The following ATP1A1 variants were observed in gnomAD, a reference collection of about 807,000 sequenced individuals.
The protein encoded by ATP1A1 is sodium/potassium-transporting ATPase subunit alpha-1.
A neutral mutation model predicts 114.8 loss-of-function variants in ATP1A1; 14 were observed. That is an observed-to-expected ratio of 0.12 (90% CI 0.08 to 0.19). The LOEUF is 0.19. Among genes scored for constraint, ATP1A1 ranks in the 10% least tolerant of loss-of-function variants. The pLI is 1.00. For synonymous variants in ATP1A1, 471 were observed against 466.3 expected (o/e 1.01, Z -0.13); for missense variants, 524 against 1,290.7 (o/e 0.41, Z 9.10).
At chr1:116,373,976 G>C (rs1651177122) in intron 1 of ATP1A1, 1 of 1,379,870 alleles carries the variant, frequency 7.2e-7, no homozygotes, top group Non-Finnish European at 9.3e-7. Context: ...TCCGTGCCCT[G>C]AGGAAAGGCG....
At chr1:116,374,659 G>T (rs1322109811) in intron 1 of ATP1A1, among the ~76,000 whole-genome samples, 1 of 152,218 alleles carries the variant, frequency 6.6e-6, no homozygotes, top group Non-Finnish European at 1.5e-5. Flanking sequence ...AAGTCTAGTT[G>T]AGAAAAATTT....
Position 116,404,497 on chromosome 1 carries a change from C to T in ATP1A1, c.*53C>T, listed in dbSNP as rs1046271895. The stretch of plus-strand genomic sequence containing the variant: ...CAGGCCACACACTCTGCATCCGACA[C>T]CCACCCCCTCTTTGTGTACTTCAGT... On this transcript the variant is annotated 3_prime_UTR_variant, in exon 23 of 23. Transcript: ENST00000295598. This position sits in a 1 kb window ranked among gnomAD's most constrained non-coding sequence, Gnocchi z 4.8. 4.4e-6 allele frequency: 7 copies of T among 1,573,686 alleles called. No homozygotes were observed. The East Asian group carries it at 1.2e-4, about 26-fold the overall frequency.
chr1:116,395,718 G>A lies in ATP1A1; in HGVS notation c.1836+433G>A, dbSNP rs1467474912. On this transcript the variant is annotated intron_variant, in intron 13 of 22. Coordinates refer to ENST00000295598, the MANE Select transcript of ATP1A1 (RefSeq NM_000701.8). The surrounding 1 kb of genome is among the most constrained non-coding windows in gnomAD (Gnocchi z 6.4). ...TCAAGTGCACTAATATCCTGTTGCT[G>A]GGTATTTGGTTTCTGTTTTTTACTC... Among the ~76,000 whole-genome samples, 1 of 151,964 alleles carries A rather than the reference G, an allele frequency of 6.6e-6. No homozygotes were observed. The highest frequency in any genetic ancestry group is 2.4e-5 in the African/African-American group (1 of 41,380).
intron 1 of ATP1A1, among the ~76,000 whole-genome samples, chr1:116,379,865 G>A (rs1410519658): frequency 6.6e-6 from 1 of 152,170 alleles, no homozygotes; most frequent in Non-Finnish European, 1.5e-5. Context: ...GCAGCCTCTA[G>A]GGAACCAGCA....
chr1:116,398,125 T>C lies in ATP1A1; in HGVS notation c.2124+87T>C, dbSNP rs550805372. 1.5e-4 allele frequency: 226 copies of C among 1,536,904 alleles called. No homozygotes were observed. In the African/African-American group the frequency reaches 2.8e-3, roughly 19 times the overall value. On this transcript the variant is annotated intron_variant, in intron 15 of 22. Transcript: ENST00000295598. This position sits in a 1 kb window ranked among gnomAD's most constrained non-coding sequence, Gnocchi z 6.1. ...GTGGAAACAGAGCAACGGTGATGGATGGATGCATACCTCGCTGTATTAGAC... is the reference window on the plus strand; with the variant it reads ...GTGGAAACAGAGCAACGGTGATGGACGGATGCATACCTCGCTGTATTAGAC...
rs764106140 is a variant in ATP1A1 at position 116,393,657 on chromosome 1, G to A, written c.1594G>A (p.Glu532Lys). ...LLHGKEQPLD[E>K]ELKDAFQNAY... is the part of the protein sequence containing the mutation. ...CCACGGCAAGGAGCAGCCCCTGGAT[G>A]AGGAGCTGAAAGACGCCTTTCAGAA... The change falls in exon 12 of 23, where the codon GAG (glutamate) becomes AAG (lysine). Residue 532 changes from glutamate (E) to lysine (K), a missense_variant. Physicochemically the swap from Glu to Lys is moderately conservative, Grantham distance 56 (BLOSUM62 1). Around this residue, in one of 8 missense-constraint regions of ATP1A1, gnomAD observed 143 missense variants for 259.3 expected, o/e 0.55. Transcript: ENST00000295598. The surrounding 1 kb of genome is among the most constrained non-coding windows in gnomAD (Gnocchi z 5.0). 25 of 1,614,096 alleles carry A rather than the reference G, an allele frequency of 1.5e-5. 1 individual carries two copies. In the South Asian group the frequency reaches 2.7e-4, roughly 18 times the overall value.
intron 12 of ATP1A1, among the ~76,000 whole-genome samples, chr1:116,394,657 C>T (rs184449808): frequency 1.3e-5 from 2 of 152,122 alleles, no homozygotes; most frequent in Non-Finnish European, 2.9e-5. Context: ...AGCATGATGT[C>T]CCACATTGGT....
Position 116,381,917 on chromosome 1 carries a change from C to T in ATP1A1, c.13-2097C>T, listed in dbSNP as rs1404989157. Among the ~76,000 whole-genome samples the T allele has an allele frequency of 1.3e-5, 2 of 152,200 alleles. No homozygotes were observed. The highest frequency in any genetic ancestry group is 2.9e-5 in the Non-Finnish European group (2 of 68,040). ...ACAGGCTGGGCACGGTGGCTCACGC[C>T]TGTAATCCCAGCACTTTGGGAGGCC... On this transcript the variant is annotated intron_variant, in intron 1 of 22. Transcript: ENST00000295598. The surrounding 1 kb of genome is among the most constrained non-coding windows in gnomAD (Gnocchi z 5.1).
intron 12 of ATP1A1, among the ~76,000 whole-genome samples, chr1:116,394,417 G>A (rs1037231011): frequency 1.1e-4 from 16 of 151,980 alleles, no homozygotes; most frequent in Admixed American, 3.9e-4. Flanking sequence ...CTATCCAACC[G>A]AAGGATTGCT....
In ATP1A1 at chr1:116,399,514, G is replaced by A. The variant is rs1557793134; in HGVS notation, c.2543G>A (p.Arg848Gln). The A allele has an allele frequency of 6.2e-7, 1 of 1,614,136 alleles. No individual in the cohort carries two copies. Among genetic ancestry groups the A allele is most frequent in the Non-Finnish European group, 8.5e-7 (1 of 1,180,024 alleles). Reference sequence around the variant, plus strand: ...AAAACAGACAAACTTGTGAATGAGCGGCTGATCAGCATGGCCTATGGGCAG... The same window carrying A: ...AAAACAGACAAACTTGTGAATGAGCAGCTGATCAGCATGGCCTATGGGCAG... ...NPKTDKLVNE[R>Q]LISMAYGQIG... Residue 848 changes from arginine (R) to glutamine (Q), a missense_variant, in exon 18 of 23, where the codon CGG becomes CAG. Coordinates refer to ENST00000295598, the MANE Select transcript of ATP1A1 (RefSeq NM_000701.8). This position sits in a 1 kb window ranked among gnomAD's most constrained non-coding sequence, Gnocchi z 5.0.
At chr1:116,376,890 T>C (rs1651408040) in intron 1 of ATP1A1, among the ~76,000 whole-genome samples, 1 of 152,252 alleles carries the variant, frequency 6.6e-6, no homozygotes, top group African/African-American at 2.4e-5. Flanking sequence ...TATTCCTAAA[T>C]TGCATTCAAA....
At chr1:116,391,128 A>T (rs929720260) in intron 10 of ATP1A1, among the ~76,000 whole-genome samples, 2 of 152,214 alleles carry the variant, frequency 1.3e-5, no homozygotes, top group African/African-American at 4.8e-5. Context: ...TGCAGTAAAA[A>T]TCTGACCAAA....
Position 116,395,129 on chromosome 1 carries a change from G to T in ATP1A1, c.1680G>T (p.Leu560=). The T allele has an allele frequency of 1.2e-6, 2 of 1,613,764 alleles. No homozygotes were observed. The highest frequency in any genetic ancestry group is 1.7e-6 in the Non-Finnish European group (2 of 1,179,838). ...ERVLGFCHLF[L]PDEQFPEGFQ... ...TCGCAGGTTTCTGCCACCTCTTTCT[G>T]CCAGATGAACAGTTTCCTGAAGGGT... The change falls in exon 13 of 23, where the codon CTG becomes CTT. Residue 560 remains leucine, a synonymous_variant. Coordinates refer to ENST00000295598, the MANE Select transcript of ATP1A1 (RefSeq NM_000701.8). This position sits in a 1 kb window ranked among gnomAD's most constrained non-coding sequence, Gnocchi z 6.4.
rs1652806511 is a variant in ATP1A1 at position 116,395,190 on chromosome 1, G to A, written c.1741G>A (p.Asp581Asn). 5.6e-6 allele frequency: 9 copies of A among 1,614,082 alleles called. No homozygotes were observed. The highest frequency in any genetic ancestry group is 7.6e-6 in the Non-Finnish European group (9 of 1,180,012). ...FDTDDVNFPIDNLCFVGLISM... is the reference protein window; with the variant it reads ...FDTDDVNFPINNLCFVGLISM... ...CACTGACGATGTGAATTTCCCTATC[G>A]ATAATCTGTGCTTTGTTGGGCTCAT... The change falls in exon 13 of 23, where the codon GAT becomes AAT. Residue 581 changes from aspartate (D) to asparagine (N), a missense_variant. By Grantham distance (23) the Asp-to-Asn change is conservative (BLOSUM62 1). This residue lies in a region of ATP1A1 where 143 missense variants were observed against 259.3 expected (regional missense o/e 0.55). Coordinates refer to ENST00000295598, the MANE Select transcript of ATP1A1 (RefSeq NM_000701.8). This position sits in a 1 kb window ranked among gnomAD's most constrained non-coding sequence, Gnocchi z 6.4.
At position 116,388,453 on chromosome 1, in the gene ATP1A1, C is replaced by T. The variant is rs536190201; in HGVS notation, c.502-185C>T. The T allele has an allele frequency of 3.9e-5, 38 of 966,574 alleles. 1 individual carries two copies. The South Asian group carries it at 5.4e-4, about 14-fold the overall frequency. 59.9% of individuals were successfully genotyped at this position (966,574 alleles called of 1,614,324 possible). On this transcript the variant is annotated intron_variant, in intron 5 of 22. Coordinates refer to ENST00000295598, the MANE Select transcript of ATP1A1 (RefSeq NM_000701.8). This position sits in a 1 kb window ranked among gnomAD's most constrained non-coding sequence, Gnocchi z 5.6. ...AATGTAAACTCTGAATACAGGCACA[C>T]CATGTAACAGCAATATCTCTTAAAC...
At position 116,397,363 on chromosome 1, in the gene ATP1A1, C is replaced by T. The variant is rs557515154; in HGVS notation, c.1974-525C>T. 1.3e-5 allele frequency among the ~76,000 whole-genome samples: 2 copies of T among 152,184 alleles called. No homozygotes were observed. Among genetic ancestry groups the T allele is most frequent in the Admixed American group, 6.5e-5 (1 of 15,274 alleles). On this transcript the variant is annotated intron_variant, in intron 14 of 22. Transcript: ENST00000295598. This position sits in a 1 kb window ranked among gnomAD's most constrained non-coding sequence, Gnocchi z 4.2. ...TTGATGGAGTCTCGCTCTGTCATCC[C>T]GGTTGGAGTGCAGTGTCATGATCTT...
Position 116,389,801 on chromosome 1 carries a change from T to G in ATP1A1, c.1023+94T>G, listed in dbSNP as rs1652322169. 6.6e-7 allele frequency: 1 copy of G among 1,509,386 alleles called. No homozygotes were observed. The highest frequency in any genetic ancestry group is 1.4e-5 in the African/African-American group (1 of 72,532). The allele number at this position is 1,509,386 out of a possible 1,614,324, so 93.5% of individuals were successfully genotyped here. ...TATTCTAAGGTATTGCCAACTTATG[T>G]TTTATTCTGGATGTTTGATATAGTT... On this transcript the variant is annotated intron_variant, in intron 8 of 22. Transcript: ENST00000295598. This position sits in a 1 kb window ranked among gnomAD's most constrained non-coding sequence, Gnocchi z 6.9.
intron 18 of ATP1A1, among the ~76,000 whole-genome samples, chr1:116,400,492 A>G (rs1653361587): frequency 1.3e-5 from 2 of 152,186 alleles, no homozygotes; most frequent in Non-Finnish European, 1.5e-5. Flanking sequence ...TGAAAGATGG[A>G]AAAGAAGTTA....
At chr1:116,402,138 T>C (rs1653537059) in intron 21 of ATP1A1, 1 of 157,528 alleles carries the variant, frequency 6.3e-6, no homozygotes, top group Admixed American at 6.3e-5. Flanking sequence ...TTTTACTTTA[T>C]AATCAGTCAT....
Sources: gnomAD v4.1 joint callset for allele counts (sites outside exome capture counted in the v4.1 genomes callset) on GRCh38, gnomAD v4.1.1 for gene constraint, gnomAD v4.1.1 regional missense constraint, Gnocchi (gnomAD v3.1) non-coding constraint, MANE v1.5 for transcripts, NCBI Gene and HGNC (gene_info 2026-07-23, HGNC 2026-07-21) for gene names.